RALYL: variants seen among roughly 807,000 people sequenced by gnomAD.
RALYL encodes RNA-binding Raly-like protein.
In RALYL, 29 loss-of-function variants were observed where a neutral mutation model predicts 35.1. The observed-to-expected ratio is 0.83, with a 90% CI of 0.61 to 1.13. The LOEUF is 1.13. RALYL is among the 50% of genes most tolerant of loss of function. The pLI is 0.00. For missense variants in RALYL, 359 were observed against 360.4 expected (o/e 1.00, Z 0.03); for synonymous variants, 120 against 127.6 (o/e 0.94, Z 0.40).
At chr8:84,424,622 C>A (rs1367519642) in intron 1 of RALYL, among the ~76,000 whole-genome samples, 1 of 151,584 alleles carries the variant, frequency 6.6e-6, no homozygotes, top group Non-Finnish European at 1.5e-5. Flanking sequence ...GGAGGAGAGA[C>A]GCTCTGTGTT....
At chr8:84,666,026 CA>C (rs1333201146) in intron 2 of RALYL, among the ~76,000 whole-genome samples, 3 of 151,994 alleles carry the variant, frequency 2.0e-5, no homozygotes, top group Non-Finnish European at 2.9e-5. Flanking sequence ...TTGGTCTTAT[CA>C]CATAGAGAAC....
chr8:84,223,407 C>T (rs1483366552), intron 1 of RALYL, among the ~76,000 whole-genome samples: 1 of 152,074 alleles, frequency 6.6e-6, no homozygotes, highest in Non-Finnish European at 1.5e-5. Context: ...CAAATAAAAG[C>T]ATTTGCCTTT....
At chr8:84,805,034 G>A (rs1461475351) in intron 4 of RALYL, among the ~76,000 whole-genome samples, 1 of 152,050 alleles carries the variant, frequency 6.6e-6, no homozygotes, top group Non-Finnish European at 1.5e-5. Context: ...CTTCCATAAA[G>A]GCTAAACAAG....
At chr8:84,719,725 A>G (rs1032225765) in intron 2 of RALYL, among the ~76,000 whole-genome samples, 1 of 152,142 alleles carries the variant, frequency 6.6e-6, no homozygotes, top group African/African-American at 2.4e-5. Flanking sequence ...TGATACATAT[A>G]TATTGGATAA....
In RALYL at chr8:84,463,398, G is replaced by A. The variant is rs186707051; in HGVS notation, c.-23-65901G>A. ...TTCATTATAAAATTAACATTTGCCTGTTGGTCATATTCAATATTTTTCAAG... is the reference window on the plus strand; with the variant it reads ...TTCATTATAAAATTAACATTTGCCTATTGGTCATATTCAATATTTTTCAAG... On this transcript the variant is annotated intron_variant, in intron 1 of 8. Transcript: ENST00000521268. 2.0e-5 allele frequency among the ~76,000 whole-genome samples: 3 copies of A among 152,124 alleles called. No individual in the cohort carries two copies. The East Asian group carries it at 5.8e-4, about 29-fold the overall frequency.
chr8:84,238,882 T>G (rs905103644), intron 1 of RALYL, among the ~76,000 whole-genome samples: 1 of 152,166 alleles, frequency 6.6e-6, no homozygotes, highest in Non-Finnish European at 1.5e-5. Flanking sequence ...TTGGACATAG[T>G]CTAGTTTTAT....
intron 2 of RALYL, among the ~76,000 whole-genome samples, chr8:84,593,792 A>G (rs1032170552): frequency 2.0e-5 from 3 of 152,068 alleles, no homozygotes; most frequent in African/African-American, 7.2e-5. Flanking sequence ...TTGGTACGAG[A>G]TAAAACTTCT....
chr8:84,335,379 A>G (rs1343774665), intron 1 of RALYL, among the ~76,000 whole-genome samples: 2 of 152,120 alleles, frequency 1.3e-5, no homozygotes, highest in African/African-American at 4.8e-5. Context: ...TCCATGGGAA[A>G]CAAGCATCTT....
At chr8:84,879,926 G>A (rs1311041521) in intron 7 of RALYL, among the ~76,000 whole-genome samples, 1 of 152,012 alleles carries the variant, frequency 6.6e-6, no homozygotes, top group African/African-American at 2.4e-5. Flanking sequence ...TATTGCAATA[G>A]GAGATAAAAT....
chr8:84,784,451 C>T (rs1468006096), intron 3 of RALYL, among the ~76,000 whole-genome samples: 2 of 152,132 alleles, frequency 1.3e-5, no homozygotes, highest in Admixed American at 6.6e-5. Flanking sequence ...AAATCATTTA[C>T]AAAATTGGCA....
chr8:84,694,344 A>C (rs1838702477), intron 2 of RALYL, among the ~76,000 whole-genome samples: 1 of 151,906 alleles, frequency 6.6e-6, no homozygotes, highest in African/African-American at 2.4e-5. Context: ...AAAAAGATTA[A>C]GAAAACAATC....
At chr8:84,288,109 G>A (rs145369674) in intron 1 of RALYL, among the ~76,000 whole-genome samples, 2,773 of 152,280 alleles carry the variant, frequency 0.018, 36 homozygotes, top group South Asian at 0.03. Flanking sequence ...GCTGAGCATC[G>A]GAGGACTTAT....
At chr8:84,410,217 G>C (rs1478559978) in intron 1 of RALYL, among the ~76,000 whole-genome samples, 4 of 151,934 alleles carry the variant, frequency 2.6e-5, no homozygotes, top group Admixed American at 2.6e-4. Context: ...AGTAATGTAG[G>C]AGAAGCAGTG....
chr8:84,261,430 A>T (rs4518663), intron 1 of RALYL, among the ~76,000 whole-genome samples: 11 of 151,636 alleles, frequency 7.3e-5, no homozygotes, highest in African/African-American at 2.4e-4. Context: ...TTTACAATGG[A>T]CTTCTCCCTT....
chr8:84,720,983 G>T (rs1843789959), intron 2 of RALYL, among the ~76,000 whole-genome samples: 1 of 151,956 alleles, frequency 6.6e-6, no homozygotes, highest in South Asian at 2.1e-4. Flanking sequence ...AAGACAAAAG[G>T]TAATAAATGC....
rs573486339 is a variant in RALYL at position 84,228,124 on chromosome 8, A to G, written c.-24+43700A>G. ...TGAAATTCCTTTGTCCCAAAGTGCT[A>G]GTTAAACGAAGACATAAAGAATAGT... On this transcript the variant is annotated intron_variant, in intron 1 of 8. Coordinates refer to ENST00000521268, the MANE Select transcript of RALYL (RefSeq NM_173848.7). Among the ~76,000 whole-genome samples, 179 of 149,614 alleles carry G rather than the reference A, an allele frequency of 1.2e-3. 1 individual carries two copies. Among genetic ancestry groups the G allele is most frequent in the South Asian group, 1.9e-3 (9 of 4,700 alleles).
At chr8:84,884,340 G>GCT (rs1842627517) in intron 7 of RALYL, among the ~76,000 whole-genome samples, 1 of 152,016 alleles carries the variant, frequency 6.6e-6, no homozygotes, top group African/African-American at 2.4e-5. Context: ...GGGAAGATCA[G>GCT]GAAAGTCAGC....
At chr8:84,390,597 C>G (rs1225318201) in intron 1 of RALYL, among the ~76,000 whole-genome samples, 1 of 152,004 alleles carries the variant, frequency 6.6e-6, no homozygotes, top group African/African-American at 2.4e-5. Flanking sequence ...AGGAATTTAT[C>G]CATTTCTTCT....
At chr8:84,355,147 A>G (rs923916868) in intron 1 of RALYL, among the ~76,000 whole-genome samples, 3 of 150,404 alleles carry the variant, frequency 2.0e-5, no homozygotes, top group Non-Finnish European at 4.4e-5. Flanking sequence ...AAGTTATTTG[A>G]TATATCTAGA....
Sources: gnomAD v4.1 joint callset for allele counts (sites outside exome capture counted in the v4.1 genomes callset) on GRCh38, gnomAD v4.1.1 for gene constraint, MANE v1.5 for transcripts, NCBI Gene and HGNC (gene_info 2026-07-23, HGNC 2026-07-21) for gene names.